ACCSL: variants seen among roughly 807,000 people sequenced by gnomAD.
The protein encoded by ACCSL is 1-aminocyclopropane-1-carboxylate synthase homolog (inactive) like.
Under a neutral mutation model 61.7 loss-of-function variants are expected in ACCSL, and 55 were observed. That is an observed-to-expected ratio of 0.89 (90% confidence interval 0.72 to 1.12). ACCSL has a LOEUF of 1.12. Ranked by LOEUF, ACCSL falls within the 50% of genes most tolerant of loss-of-function variation. The pLI, the probability that ACCSL is intolerant of heterozygous loss-of-function variation, is 0.00. For missense variants in ACCSL, 632 were observed against 698.0 expected, an observed-to-expected ratio of 0.91 and a Z score of 1.07; for synonymous variants, 258 against 264.3, an observed-to-expected ratio of 0.98 and a Z score of 0.23.
At chr11:43,926,355 G>A in the ACCSL span, 6 of 325,314 alleles carry the variant, frequency 1.8e-5, no homozygotes, top group Admixed American at 4.2e-5. Context: ...AGTTCTTGAC[G>A]TTTCCTAGCC....
the ACCSL span, among the ~76,000 whole-genome samples, chr11:44,012,289 CTT>C: frequency 6.2e-5 from 9 of 144,974 alleles, no homozygotes; most frequent in Admixed American, 1.4e-4. Context: ...ATTTGATTAA[CTT>C]TTTTTTTTTT....
At chr11:44,023,574 G>T in the ACCSL span, among the ~76,000 whole-genome samples, 1 of 147,816 alleles carries the variant, frequency 6.8e-6, no homozygotes, top group African/African-American at 2.5e-5. Context: ...CTAAAGGTTT[G>T]TCAATTCATT....
In ACCSL at chr11:44,052,701, C is replaced by A. The variant is rs781625008; in HGVS notation, c.812C>A (p.Ala271Asp). The A allele has an allele frequency of 3.1e-6, 5 of 1,614,046 alleles. No homozygotes were observed. In the African/African-American group the frequency reaches 6.7e-5, roughly 22 times the overall value. The change falls in exon 6 of 14, where the codon GCC becomes GAC. Residue 271 changes from alanine to aspartate, a missense_variant. By Grantham distance (126) the Ala-to-Asp change is moderately radical (BLOSUM62 -2). Coordinates refer to ENST00000378832, the MANE Select transcript of ACCSL (RefSeq NM_001031854.2). ...CCTGCTCCCTTCTATGGTGGCTTTG[C>A]CTTTAGCTCCCGCCTGTATGCAAAG... The part of the protein sequence containing the change: ...LVPAPFYGGF[A>D]FSSRLYAKVE...
At chr11:43,995,519 A>G in the ACCSL span, 1 of 152,396 alleles carries the variant, frequency 6.6e-6, no homozygotes, top group East Asian at 1.9e-4. Context: ...ATCGCAATGT[A>G]GATATTCCAC....
At chr11:43,965,391 C>T in the ACCSL span, among the ~76,000 whole-genome samples, 1 of 152,058 alleles carries the variant, frequency 6.6e-6, no homozygotes, top group African/African-American at 2.4e-5. Flanking sequence ...ATAAATTTAA[C>T]CAAGGTGGTT....
the ACCSL span, among the ~76,000 whole-genome samples, chr11:44,012,620 T>G: frequency 3.5e-3 from 528 of 152,276 alleles, 8 homozygotes; most frequent in African/African-American, 0.012. Flanking sequence ...TTTAGCAATA[T>G]CTGTCAAACA....
At chr11:43,930,042 A>G in the ACCSL span, among the ~76,000 whole-genome samples, 16 of 152,168 alleles carry the variant, frequency 1.1e-4, no homozygotes, top group African/African-American at 3.9e-4. Context: ...AGAGAAAGCA[A>G]CAGAGAAGGA....
At chr11:43,994,395 C>T in the ACCSL span, among the ~76,000 whole-genome samples, 2 of 152,202 alleles carry the variant, frequency 1.3e-5, no homozygotes, top group Non-Finnish European at 2.9e-5. Flanking sequence ...CCTCTGACTG[C>T]TTCATCAGGG....
At chr11:43,931,892 C>G in the ACCSL span, among the ~76,000 whole-genome samples, 172 of 152,336 alleles carry the variant, frequency 1.1e-3, no homozygotes, top group African/African-American at 4.1e-3. Context: ...GTAATCCCAT[C>G]CAGCCCCAAA....
intron 8 of ACCSL, among the ~76,000 whole-genome samples, chr11:44,054,884 C>G (rs900626476): frequency 6.6e-6 from 1 of 152,144 alleles, no homozygotes; most frequent in Admixed American, 6.5e-5. Context: ...CCAACCTCTT[C>G]CCATAGTCTC....
chr11:43,971,098 C>G, the ACCSL span, among the ~76,000 whole-genome samples: 1 of 152,038 alleles, frequency 6.6e-6, no homozygotes, highest in East Asian at 1.9e-4. Context: ...TTTGGGAGGC[C>G]GAGGTGGGCA....
At chr11:43,971,736 C>T in the ACCSL span, among the ~76,000 whole-genome samples, 1 of 152,160 alleles carries the variant, frequency 6.6e-6, no homozygotes, top group African/African-American at 2.4e-5. Flanking sequence ...ATTGTCCTCC[C>T]CACTCAGCTC....
chr11:44,008,837 T>G, the ACCSL span, among the ~76,000 whole-genome samples: 1 of 152,166 alleles, frequency 6.6e-6, no homozygotes, highest in Admixed American at 6.5e-5. Flanking sequence ...GAAGTAGGTG[T>G]TTGTATTAAA....
At chr11:43,933,850 A>T in the ACCSL span, among the ~76,000 whole-genome samples, 1 of 151,772 alleles carries the variant, frequency 6.6e-6, no homozygotes, top group Admixed American at 6.6e-5. Context: ...GTTCCCTGGG[A>T]CTCATCCTGG....
chr11:44,042,156 A>C, the ACCSL span, among the ~76,000 whole-genome samples: 10 of 152,268 alleles, frequency 6.6e-5, no homozygotes, highest in South Asian at 1.9e-3. Flanking sequence ...AACTTCATCA[A>C]ATCTTTATCA....
chr11:43,933,287 C>G, the ACCSL span: 1 of 412,440 alleles, frequency 2.4e-6, no homozygotes, highest in Non-Finnish European at 4.9e-6. Context: ...CTCAGTGTCC[C>G]TGTCCACATA....
the ACCSL span, among the ~76,000 whole-genome samples, chr11:43,971,275 A>G: frequency 1.0e-5 from 1 of 98,290 alleles, no homozygotes; most frequent in Non-Finnish European, 2.0e-5. Flanking sequence ...ACAGAGCAAG[A>G]CTCTGTCTCA....
the ACCSL span, among the ~76,000 whole-genome samples, chr11:43,929,295 CT>C: frequency 6.6e-6 from 1 of 152,236 alleles, no homozygotes; most frequent in Non-Finnish European, 1.5e-5. Context: ...TCATGGCTCA[CT>C]GCAGCCTTAA....
the ACCSL span, among the ~76,000 whole-genome samples, chr11:44,007,438 A>T: frequency 6.6e-5 from 10 of 152,250 alleles, no homozygotes; most frequent in Non-Finnish European, 1.3e-4. Flanking sequence ...ATCTGTGCAA[A>T]AGCTGGGGGA....
Sources: allele counts gnomAD v4.1 joint callset (sites outside exome capture counted in the v4.1 genomes callset), GRCh38; gene constraint gnomAD v4.1.1; transcripts MANE v1.5; gene names NCBI Gene and HGNC (gene_info 2026-07-23, HGNC 2026-07-21).